Variants in FGF20 observed in about 807,000 individuals in gnomAD.
The protein encoded by FGF20 is fibroblast growth factor 20.
Under a neutral mutation model 16.7 loss-of-function variants are expected in FGF20, and 8 were observed. The observed-to-expected ratio is 0.48, with a 90% confidence interval of 0.28 to 0.87. FGF20 has a LOEUF of 0.87. FGF20 is among the 40% of genes least tolerant of loss of function. The pLI is 0.10. For synonymous variants in FGF20, 161 were observed against 118.6 expected (o/e 1.36, Z -2.32); for missense variants, 397 against 281.4 (o/e 1.41, Z -2.94).
chr8:17,001,613 G>T lies in FGF20; in HGVS notation c.286+134C>A. The stretch of plus-strand genomic sequence containing the variant: ...TCAGCCCCAGCCTGCGTCTTGCACC[G>T]GATGGGTCCAGGGGAGCTCCGGGCT... On this transcript the variant is annotated intron_variant, in intron 1 of 2. Transcript: ENST00000180166. The T allele has an allele frequency of 9.9e-7, 1 of 1,012,690 alleles. No homozygotes were observed. Among genetic ancestry groups the T allele is most frequent in the Non-Finnish European group, 1.3e-6 (1 of 767,186 alleles). 62.7% of individuals were successfully genotyped at this position (1,012,690 alleles called of 1,614,324 possible).
At chr8:17,001,696 G>A in intron 1 of FGF20, 51 bp downstream of exon 1, 1 of 1,509,882 alleles carries the variant, frequency 6.6e-7, no homozygotes, top group Non-Finnish European at 8.8e-7. Context: ...GAGGGAACGA[G>A]GAGCCGAGCT....
At chr8:16,996,357 G>C (rs1182802601) in intron 1 of FGF20, among the ~76,000 whole-genome samples, 1 of 152,140 alleles carries the variant, frequency 6.6e-6, no homozygotes, top group Non-Finnish European at 1.5e-5. Flanking sequence ...AGCTGGGTCT[G>C]AATTCCAGTT....
chr8:17,001,705 C>G (rs373428106), intron 1 of FGF20, 42 bp downstream of exon 1: 7 of 1,527,932 alleles, frequency 4.6e-6, no homozygotes, highest in Non-Finnish European at 1.7e-6. Flanking sequence ...AGGAGCCGAG[C>G]TGGGGCGCAG....
At chr8:16,997,388 C>T (rs1041748740) in intron 1 of FGF20, among the ~76,000 whole-genome samples, 1 of 152,214 alleles carries the variant, frequency 6.6e-6, no homozygotes, top group Non-Finnish European at 1.5e-5. Flanking sequence ...GACTCTTGCT[C>T]TTAAGTCATT....
intron 1 of FGF20, among the ~76,000 whole-genome samples, chr8:16,998,049 A>G (rs1810097269): frequency 6.6e-6 from 1 of 152,218 alleles, no homozygotes; most frequent in South Asian, 2.1e-4. Flanking sequence ...CAAGTTTTCA[A>G]TTACAATAAA....
chr8:17,001,704 G>C (rs900164632), intron 1 of FGF20, 43 bp downstream of exon 1: 1 of 1,527,502 alleles, frequency 6.5e-7, no homozygotes, highest in Non-Finnish European at 8.7e-7. Context: ...GAGGAGCCGA[G>C]CTGGGGCGCA....
intron 1 of FGF20, among the ~76,000 whole-genome samples, chr8:16,998,721 A>G (rs1332048502): frequency 6.6e-6 from 1 of 152,144 alleles, no homozygotes; most frequent in Non-Finnish European, 1.5e-5. Context: ...AGAATAAAGG[A>G]AAAGCCTTTA....
rs116309944 is a variant in FGF20, at chr8:16,992,918, G to A, written c.*154C>T. On this transcript the variant is annotated 3_prime_UTR_variant, in exon 3 of 3. Transcript: ENST00000180166. ...CTATTTCTAGTCAAAATTTTTTTTG[G>A]TTTTTTTTCTCAATATTCTTTCCAA... The A allele has an allele frequency of 1.0e-6, 1 of 993,804 alleles. No homozygotes were observed. The highest frequency in any genetic ancestry group is 1.6e-5 in the African/African-American group (1 of 60,866). The allele number at this position is 993,804 out of a possible 1,614,324, so 61.6% of individuals were successfully genotyped here.
intron 1 of FGF20, among the ~76,000 whole-genome samples, chr8:16,997,333 C>T (rs991520534): frequency 1.3e-4 from 20 of 152,096 alleles, no homozygotes; most frequent in African/African-American, 4.3e-4. Flanking sequence ...CCCCTTCACC[C>T]CATCCTGAGC....
Position 17,002,149 on chromosome 8 carries a change from A to G in FGF20, c.-117T>C. 9.0e-7 allele frequency: 1 copy of G among 1,113,788 alleles called. No individual in the cohort carries two copies. Among genetic ancestry groups the G allele is most frequent in the Non-Finnish European group, 1.2e-6 (1 of 838,612 alleles). The allele number at this position is 1,113,788 out of a possible 1,614,324, so 69.0% of individuals were successfully genotyped here. A position where few individuals can be genotyped will look rare whatever the true frequency, so the allele number is the denominator to read the frequency against. On this transcript the variant is annotated 5_prime_UTR_variant, in exon 1 of 3. Transcript: ENST00000180166. ...GAGCGCAAAAAGTTAAGGCCCGGTT[A>G]CTCCTCTGAGGTCGCTCCGGAGGGA...
At chr8:16,995,815 T>A (rs1585101696) in intron 1 of FGF20, 57 bp from the exon 2 acceptor site, 1 of 992,416 alleles carries the variant, frequency 1.0e-6, no homozygotes, top group Non-Finnish European at 1.5e-6. Context: ...CATGAGCATA[T>A]GACTAACAAA....
intron 1 of FGF20, among the ~76,000 whole-genome samples, chr8:17,001,054 C>A (rs992205921): frequency 3.3e-5 from 5 of 151,058 alleles, no homozygotes; most frequent in South Asian, 2.1e-4. Context: ...CCCCTCCCCC[C>A]CTTTCCTTTT....
At position 16,993,626 on chromosome 8, in the gene FGF20, C is replaced by T. The variant is rs17515296; in HGVS notation, c.391-309G>A. Among the ~76,000 whole-genome samples the T allele has an allele frequency of 0.25, 37,898 of 151,898 alleles. 5,108 individuals are homozygous for T. The highest frequency in any genetic ancestry group is 0.46 in the East Asian group (2,375 of 5,122). On this transcript the variant is annotated intron_variant, in intron 2 of 2. Transcript: ENST00000180166. ...GTTTCAGGGTGATCCAAGTGCATTACATTTATTGTGTACTTCATTCCCATT... is the reference window on the plus strand; with the variant it reads ...GTTTCAGGGTGATCCAAGTGCATTATATTTATTGTGTACTTCATTCCCATT...
At position 16,993,153 on chromosome 8, in the gene FGF20, C is replaced by A. The variant is rs556236317; in HGVS notation, c.555G>T (p.Gln185His). 3.1e-6 allele frequency: 5 copies of A among 1,614,076 alleles called. No individual in the cohort carries two copies. The highest frequency in any genetic ancestry group is 4.2e-6 in the Non-Finnish European group (5 of 1,180,012). ...PRDGARSKRH[Q>H]KFTHFLPRPV... ...GTCTAGGTAAGAAATGTGTAAATTT[C>A]TGATGCCTCTTGGACCTGGCGCCAT... Residue 185 changes from glutamine (Q) to histidine (H), a missense_variant, in exon 3 of 3, where the codon CAG (glutamine) becomes CAT (histidine). Physicochemically the swap from Gln to His is conservative, Grantham distance 24. Coordinates refer to ENST00000180166, the MANE Select transcript of FGF20 (RefSeq NM_019851.3).
intron 1 of FGF20, among the ~76,000 whole-genome samples, chr8:16,997,148 C>T (rs1280674323): frequency 2.6e-5 from 4 of 152,098 alleles, no homozygotes; most frequent in Non-Finnish European, 5.9e-5. Context: ...ACTGATAAAC[C>T]ACAGTTTAAA....
chr8:16,995,721 G>T lies in FGF20; in HGVS notation c.324C>A (p.Val108=). 6.2e-7 allele frequency: 1 copy of T among 1,608,104 alleles called. No individual in the cohort carries two copies. The highest frequency in any genetic ancestry group is 1.1e-5 in the South Asian group (1 of 90,518). The change falls in exon 2 of 3, where the codon GTC becomes GTA. Residue 108 remains valine, a synonymous_variant. Coordinates refer to ENST00000180166, the MANE Select transcript of FGF20 (RefSeq NM_019851.3). The part of the protein sequence containing the change: ...LEFISVAVGL[V]SIRGVDSGLY... ...GACCACTGTCCACACCTCTAATACT[G>T]ACCAGTCCCACTGCCACACTGATGA...
rs139115405 is a variant in FGF20, at chr8:17,000,039, C to T, written c.286+1708G>A. 3.0e-4 allele frequency among the ~76,000 whole-genome samples: 46 copies of T among 152,276 alleles called. No homozygotes were observed. The East Asian group carries it at 7.8e-3, about 26-fold the overall frequency. ...CATCCTTAAAGGCAAGAGAACTGAG[C>T]CACCTGGTGTCAGCAAAGTTCTTCA... is the stretch of plus-strand genomic sequence containing the variant. On this transcript the variant is annotated intron_variant, in intron 1 of 2. Coordinates refer to ENST00000180166, the MANE Select transcript of FGF20 (RefSeq NM_019851.3).
At chr8:16,995,347 A>G (rs1341178753) in intron 2 of FGF20, among the ~76,000 whole-genome samples, 1 of 152,242 alleles carries the variant, frequency 6.6e-6, no homozygotes, top group Non-Finnish European at 1.5e-5. Context: ...CAAGAAAAAA[A>G]TATTCTCCCT....
intron 1 of FGF20, among the ~76,000 whole-genome samples, chr8:16,997,948 C>G (rs975365319): frequency 2.4e-4 from 36 of 151,702 alleles, no homozygotes; most frequent in Admixed American, 3.9e-4. Flanking sequence ...TGAAATGCAA[C>G]TTAATTCCCT....
Sources: gnomAD v4.1 joint callset for allele counts (sites outside exome capture counted in the v4.1 genomes callset) on GRCh38, gnomAD v4.1.1 for gene constraint, MANE v1.5 for transcripts, NCBI Gene and HGNC (gene_info 2026-07-23, HGNC 2026-07-21) for gene names.